Variants in BRD4 observed in about 807,000 individuals in gnomAD.
BRD4 encodes bromodomain-containing protein 4.
BRD4 carries 16 observed loss-of-function variants against 142.1 expected under a neutral mutation model. That is an observed-to-expected ratio of 0.11 (90% CI 0.08 to 0.17). BRD4 has a LOEUF of 0.17. BRD4 is among the 10% of genes least tolerant of loss of function. BRD4 has a pLI of 1.00. For synonymous variants in BRD4, 833 were observed against 707.5 expected (o/e 1.18, Z -2.82); for missense variants, 1,424 against 1,810.9 (o/e 0.79, Z 3.88).
intron 1 of BRD4, among the ~76,000 whole-genome samples, chr19:15,307,802 T>C (rs1011171878): frequency 9.9e-5 from 15 of 152,006 alleles, no homozygotes; most frequent in African/African-American, 3.1e-4. Context: ...TACTACCAGA[T>C]TGCCTAAGAA....
chr19:15,283,357 C>T lies in BRD4; in HGVS notation c.-34-10224G>A, dbSNP rs570394344. On this transcript the variant is annotated intron_variant, in intron 1 of 19. Coordinates refer to ENST00000679869, the MANE Select transcript of BRD4 (RefSeq NM_001379291.1). ...AAAATTTCTCCGGATGACATCACACCGGTCTTCTGAAATTTTCCCATTGCA... is the reference window on the plus strand; with the variant it reads ...AAAATTTCTCCGGATGACATCACACTGGTCTTCTGAAATTTTCCCATTGCA... Among the ~76,000 whole-genome samples, 39 of 152,312 alleles carry T rather than the reference C, an allele frequency of 2.6e-4. No homozygotes were observed. In the South Asian group the frequency reaches 7.7e-3, roughly 30 times the overall value.
intron 7 of BRD4, among the ~76,000 whole-genome samples, chr19:15,259,055 G>C (rs375553286): frequency 6.6e-6 from 1 of 152,172 alleles, no homozygotes; most frequent in East Asian, 1.9e-4. Flanking sequence ...CCCAGTGAGA[G>C]AGTAAGACAG....
At chr19:15,305,866 T>A (rs925798235) in intron 1 of BRD4, among the ~76,000 whole-genome samples, 1 of 152,264 alleles carries the variant, frequency 6.6e-6, no homozygotes, top group Admixed American at 6.5e-5. Flanking sequence ...TTATCTTAGC[T>A]AGATCTGGAT....
chr19:15,315,511 G>A (rs149132758), intron 1 of BRD4, among the ~76,000 whole-genome samples: 5 of 146,238 alleles, frequency 3.4e-5, no homozygotes, highest in Admixed American at 3.4e-4. Flanking sequence ...TAAGGGGATT[G>A]GGGGGGGGAA....
intron 1 of BRD4, among the ~76,000 whole-genome samples, chr19:15,327,557 A>G (rs576998200): frequency 1.3e-3 from 201 of 152,302 alleles, no homozygotes; most frequent in Middle Eastern, 3.4e-3. Context: ...AAAGAAAAAA[A>G]GAGAAAAAAA....
Position 15,257,012 on chromosome 19 carries a change from A to G in BRD4, c.1503T>C (p.Asp501=). ...DSSSDSDSST[D]DSEEERAQRL... ...GCTGGGCTCGCTCCTCCTCAGAGTC[A>G]TCAGTCGAACTGTCACTGTCCGAGG... The change falls in exon 8 of 20, where the codon GAT becomes GAC. Residue 501 remains aspartate (D), a synonymous_variant. Coordinates refer to ENST00000679869, the MANE Select transcript of BRD4 (RefSeq NM_001379291.1). The G allele has an allele frequency of 6.3e-7, 1 of 1,592,230 alleles. No individual in the cohort carries two copies. The highest frequency in any genetic ancestry group is 8.5e-7 in the Non-Finnish European group (1 of 1,170,826).
intron 1 of BRD4, among the ~76,000 whole-genome samples, chr19:15,282,156 T>C (rs2047709699): frequency 6.6e-6 from 1 of 152,214 alleles, no homozygotes; most frequent in Non-Finnish European, 1.5e-5. Context: ...CCTGTTAAAA[T>C]ATTCCATTCT....
At chr19:15,264,906 A>G in intron 5 of BRD4, 140 bp from the exon 6 acceptor site, 1 of 1,343,430 alleles carries the variant, frequency 7.4e-7, no homozygotes, top group South Asian at 1.4e-5. Flanking sequence ...TGCACAGGCA[A>G]AGGGCCAAGG....
At chr19:15,329,017 C>T (rs1334572915) in intron 1 of BRD4, among the ~76,000 whole-genome samples, 1 of 152,078 alleles carries the variant, frequency 6.6e-6, no homozygotes, top group Non-Finnish European at 1.5e-5. Context: ...AGGTGATCTG[C>T]CCGCCTCGGC....
Position 15,239,334 on chromosome 19 carries a change from C to G in BRD4, c.3576+58G>C. The G allele has an allele frequency of 1.2e-6, 2 of 1,614,078 alleles. No homozygotes were observed. The highest frequency in any genetic ancestry group is 2.2e-5 in the South Asian group (2 of 91,084). On this transcript the variant is annotated intron_variant, in intron 17 of 19. Coordinates refer to ENST00000679869, the MANE Select transcript of BRD4 (RefSeq NM_001379291.1). This position sits in a 1 kb window ranked among gnomAD's most constrained non-coding sequence, Gnocchi z 7.4. ...TAAAGGGCATAGCTGGGGGTGTGCC[C>G]AGCATGGCACCTTCCAGGGCCAAGG...
chr19:15,265,657 TAAG>T lies in BRD4; in HGVS notation c.560-17_560-15del, dbSNP rs1568389138. On this transcript the variant is annotated splice_polypyrimidine_tract_variant and intron_variant, in intron 4 of 19. Coordinates refer to ENST00000679869, the MANE Select transcript of BRD4 (RefSeq NM_001379291.1). ...GTTTTGCTGTCCCTACAAATCATAA[TAAG>T]ACGGCGAGTTAGAGACCATGCTGAC... The T allele has an allele frequency of 6.2e-7, 1 of 1,614,034 alleles. No individual in the cohort carries two copies. Among genetic ancestry groups the T allele is most frequent in the Non-Finnish European group, 8.5e-7 (1 of 1,179,972 alleles).
intron 1 of BRD4, among the ~76,000 whole-genome samples, chr19:15,328,529 C>G (rs1476688911): frequency 6.6e-6 from 1 of 152,296 alleles, no homozygotes; most frequent in East Asian, 1.9e-4. Context: ...GGGACCCCAG[C>G]GTTATCTTAG....
chr19:15,255,405 A>G lies in BRD4; in HGVS notation c.1939T>C (p.Ser647Pro). The G allele has an allele frequency of 1.2e-6, 2 of 1,613,956 alleles. No homozygotes were observed. The highest frequency in any genetic ancestry group is 1.7e-6 in the Non-Finnish European group (2 of 1,179,988). The change falls in exon 10 of 20, where the codon TCC becomes CCC. Residue 647 changes from serine to proline, a missense_variant. Around this residue, in one of 16 missense-constraint regions of BRD4, gnomAD observed 46 missense variants for 110.4 expected, o/e 0.42. Transcript: ENST00000679869. ...TCGATTTCAATCTCGTCGGGGTTGG[A>G]ATTCTTCAGGGAGGGCTCCCGTGAC... ...IQSREPSLKN[S>P]NPDEIEIDFE...
chr19:15,314,649 G>C (rs930960602), intron 1 of BRD4, among the ~76,000 whole-genome samples: 1 of 152,118 alleles, frequency 6.6e-6, no homozygotes, highest in African/African-American at 2.4e-5. Flanking sequence ...AGCTCCACAT[G>C]GTCAAGGAAC....
chr19:15,281,366 T>G (rs2047702919), intron 1 of BRD4, among the ~76,000 whole-genome samples: 1 of 152,170 alleles, frequency 6.6e-6, no homozygotes, highest in Admixed American at 6.5e-5. Flanking sequence ...TGAGCCACAC[T>G]CAAGCTCTCT....
rs200423808 is a variant in BRD4, at chr19:15,243,342, G to C, written c.2727C>G (p.Pro909=). The change falls in exon 14 of 20, where the codon CCC becomes CCG. Residue 909 remains proline, a synonymous_variant. Transcript: ENST00000679869. ...LLPQPPMAQP[P]QVLLEDEEPP... ...GCTCTTCATCCTCCAGCAGCACTTG[G>C]GGGGGTTGGGCCATGGGGGGCTGTG... 133 of 1,474,090 alleles carry C rather than the reference G, an allele frequency of 9.0e-5. 1 individual carries two copies. The highest frequency in any genetic ancestry group is 1.0e-4 in the Non-Finnish European group (116 of 1,111,538). The allele number at this position is 1,474,090 out of a possible 1,614,324, so 91.3% of individuals were successfully genotyped here.
At chr19:15,264,793 C>A in intron 5 of BRD4, 27 bp from the exon 6 acceptor site, 1 of 1,576,338 alleles carries the variant, frequency 6.3e-7, no homozygotes, top group South Asian at 1.2e-5. Flanking sequence ...CGCCAACAGG[C>A]ACAGTCAGAA....
chr19:15,282,726 T>C (rs1023381355), intron 1 of BRD4, among the ~76,000 whole-genome samples: 43 of 152,362 alleles, frequency 2.8e-4, no homozygotes, highest in African/African-American at 8.7e-4. Context: ...CCATCTCCTT[T>C]ACCTGTCTTC....
intron 11 of BRD4, chr19:15,249,270 T>TG (rs757258000): frequency 2.9e-5 from 47 of 1,613,996 alleles, no homozygotes; most frequent in Non-Finnish European, 4.0e-5. Context: ...TAAGAGTCCG[T>TG]GTCCAATGAT....
Sources: allele counts gnomAD v4.1 joint callset (sites outside exome capture counted in the v4.1 genomes callset), GRCh38; gene constraint gnomAD v4.1.1; regional missense constraint gnomAD v4.1.1; non-coding constraint Gnocchi (gnomAD v3.1); transcripts MANE v1.5; gene names NCBI Gene and HGNC (gene_info 2026-07-23, HGNC 2026-07-21).